ADAMTS12: variants seen among roughly 807,000 people sequenced by gnomAD.
ADAMTS12 encodes the protein ADAM metallopeptidase with thrombospondin type 1 motif 12.
Under a neutral mutation model 167.8 loss-of-function variants are expected in ADAMTS12, and 118 were observed. The observed-to-expected ratio is 0.70, with a 90% CI of 0.61 to 0.82. The LOEUF (loss-of-function observed/expected upper bound fraction) is 0.82. Among genes scored for constraint, ADAMTS12 ranks in the 40% least tolerant of loss-of-function variants. The pLI is 0.00. For missense variants in ADAMTS12, 1,916 were observed against 1,998.8 expected, an observed-to-expected ratio of 0.96 and a Z score of 0.79; for synonymous variants, 704 against 716.9, an observed-to-expected ratio of 0.98 and a Z score of 0.29.
intron 23 of ADAMTS12, among the ~76,000 whole-genome samples, chr5:33,533,089 C>T (rs749283092): frequency 1.5e-4 from 23 of 152,130 alleles, no homozygotes; most frequent in Non-Finnish European, 2.2e-4. Flanking sequence ...GCCAACTATT[C>T]GTCGCCATTT....
At chr5:33,655,129 T>C (rs1437371845) in intron 7 of ADAMTS12, among the ~76,000 whole-genome samples, 1 of 152,158 alleles carries the variant, frequency 6.6e-6, no homozygotes, top group African/African-American at 2.4e-5. Context: ...GTATATTCTA[T>C]CTTCCATGAC....
intron 3 of ADAMTS12, among the ~76,000 whole-genome samples, chr5:33,703,467 A>G (rs978221531): frequency 1.3e-5 from 2 of 152,192 alleles, no homozygotes; most frequent in African/African-American, 4.8e-5. Context: ...GAGTATTGTT[A>G]ATCATAGGCC....
intron 13 of ADAMTS12, among the ~76,000 whole-genome samples, chr5:33,627,029 TTGA>T (rs1215159938): frequency 2.1e-5 from 3 of 146,010 alleles, no homozygotes; most frequent in Non-Finnish European, 3.0e-5. Context: ...TAGTGGTGAT[TTGA>T]TGATGGTGGT....
intron 14 of ADAMTS12, among the ~76,000 whole-genome samples, chr5:33,616,598 C>G (rs777615785): frequency 3.1e-4 from 47 of 152,220 alleles, no homozygotes; most frequent in Non-Finnish European, 5.6e-4. Context: ...TGTTTGCCAC[C>G]TGGCTATCTT....
At chr5:33,780,530 T>C (rs1746088018) in intron 2 of ADAMTS12, among the ~76,000 whole-genome samples, 1 of 152,032 alleles carries the variant, frequency 6.6e-6, no homozygotes, top group South Asian at 2.1e-4. Flanking sequence ...GTTACAGAGA[T>C]TGGAAGCACT....
intron 11 of ADAMTS12, among the ~76,000 whole-genome samples, chr5:33,638,188 C>T (rs5019070): frequency 0.69 from 104,017 of 151,652 alleles, 37,568 homozygotes; most frequent in Non-Finnish European, 0.81. Context: ...ATAATCAAAC[C>T]AGTCCAATTC....
Position 33,524,892 on chromosome 5 carries a change from A to T in ADAMTS12, c.*2296T>A, listed in dbSNP as rs960239946. 1.3e-5 allele frequency: 2 copies of T among 152,202 alleles called. No individual in the cohort carries two copies. The highest frequency in any genetic ancestry group is 2.9e-5 in the Non-Finnish European group (2 of 68,046). 9.4% of individuals were successfully genotyped at this position (152,202 alleles called of 1,614,324 possible). ...GAGCACCTGGCCAAACTCTCTCCAC[A>T]TGTCTACCATCTTCTCCACCACGTG... On this transcript the variant is annotated 3_prime_UTR_variant, in exon 24 of 24. Transcript: ENST00000504830.
intron 7 of ADAMTS12, among the ~76,000 whole-genome samples, chr5:33,657,291 T>C (rs941241416): frequency 1.3e-5 from 2 of 152,190 alleles, no homozygotes; most frequent in Non-Finnish European, 2.9e-5. Context: ...TCTTTTCTAG[T>C]TGTGCACTAA....
intron 16 of ADAMTS12, among the ~76,000 whole-genome samples, chr5:33,613,017 C>T (rs1410093665): frequency 6.6e-6 from 1 of 152,178 alleles, no homozygotes; most frequent in Non-Finnish European, 1.5e-5. Flanking sequence ...GCACAACTCT[C>T]AGGGGTGGGA....
chr5:33,860,872 GAT>G (rs1473155557), intron 2 of ADAMTS12, among the ~76,000 whole-genome samples: 3 of 152,088 alleles, frequency 2.0e-5, no homozygotes, highest in Non-Finnish European at 4.4e-5. Context: ...AGTGGGGGCC[GAT>G]ATTCAACATT....
At chr5:33,665,484 T>C (rs1741433405) in intron 5 of ADAMTS12, among the ~76,000 whole-genome samples, 2 of 152,186 alleles carry the variant, frequency 1.3e-5, no homozygotes, top group Non-Finnish European at 2.9e-5. Flanking sequence ...TCAAAACATG[T>C]TGTCCACCAA....
intron 11 of ADAMTS12, 96 bp from the exon 12 acceptor site, chr5:33,637,842 C>T: frequency 7.7e-7 from 1 of 1,297,760 alleles, no homozygotes; most frequent in Non-Finnish European, 1.1e-6. Context: ...CAAATGATGT[C>T]TCTCTATGCC....
intron 3 of ADAMTS12, among the ~76,000 whole-genome samples, chr5:33,730,827 T>C (rs1198234671): frequency 1.3e-5 from 2 of 152,236 alleles, no homozygotes; most frequent in East Asian, 3.8e-4. Flanking sequence ...CCTTTAACTT[T>C]GCTCATTTAG....
intron 19 of ADAMTS12, among the ~76,000 whole-genome samples, chr5:33,563,581 C>G (rs181448054): frequency 2.6e-5 from 4 of 152,174 alleles, no homozygotes; most frequent in Admixed American, 2.6e-4. Flanking sequence ...CACATCAGCA[C>G]CATATGAACA....
chr5:33,749,859 T>C (rs549539713), intron 3 of ADAMTS12, among the ~76,000 whole-genome samples: 10 of 152,158 alleles, frequency 6.6e-5, no homozygotes, highest in Non-Finnish European at 1.3e-4. Flanking sequence ...TCTGCCTCAA[T>C]AGGGGAGTTA....
intron 2 of ADAMTS12, among the ~76,000 whole-genome samples, chr5:33,778,841 A>G (rs142888261): frequency 7.9e-5 from 12 of 152,282 alleles, no homozygotes; most frequent in Non-Finnish European, 1.5e-4. Context: ...GAATAACTCA[A>G]TTAAAAATGG....
At chr5:33,641,670 C>CACAGAGAGTGGGGAAAAAAAG in intron 11 of ADAMTS12, 140 bp downstream of exon 11, 1 of 837,382 alleles carries the variant, frequency 1.2e-6, no homozygotes, top group Non-Finnish European at 1.7e-6. Context: ...TGTGAATCTT[C>CACAGAGAGTGGGGAAAAAAAG]TTGTTCTGTT....
At chr5:33,600,476 T>C (rs975724064) in intron 16 of ADAMTS12, among the ~76,000 whole-genome samples, 5 of 152,202 alleles carry the variant, frequency 3.3e-5, no homozygotes, top group African/African-American at 1.2e-4. Context: ...TTAAATTTGA[T>C]TCAAAAATTC....
intron 2 of ADAMTS12, among the ~76,000 whole-genome samples, chr5:33,872,351 C>T (rs1167461962): frequency 1.3e-5 from 2 of 152,016 alleles, no homozygotes; most frequent in African/African-American, 4.8e-5. Flanking sequence ...CGAGACCAGC[C>T]TGGCCAATAT....
Sources: gnomAD v4.1 joint callset for allele counts (sites outside exome capture counted in the v4.1 genomes callset) on GRCh38, gnomAD v4.1.1 for gene constraint, MANE v1.5 for transcripts, NCBI Gene and HGNC (gene_info 2026-07-23, HGNC 2026-07-21) for gene names.